The following RBFOX1 variants were observed in gnomAD, a reference collection of about 807,000 sequenced individuals.
The protein encoded by RBFOX1 is RNA binding protein fox-1 homolog 1.
Under a neutral mutation model 57.7 loss-of-function variants are expected in RBFOX1, and 8 were observed. The observed-to-expected ratio is 0.14, with a 90% CI of 0.08 to 0.25. RBFOX1 has a LOEUF of 0.25. Ranked by LOEUF, RBFOX1 falls within the 10% of genes least tolerant of loss-of-function variation. The probability of loss-of-function intolerance (pLI) is 1.00; values close to 1 mark genes in which losing one functional copy is unlikely to be tolerated. For synonymous variants in RBFOX1, 326 were observed against 222.4 expected, an observed-to-expected ratio of 1.47 and a Z score of -4.15; for missense variants, 611 against 548.5, an observed-to-expected ratio of 1.11 and a Z score of -1.14.
intron 1 of RBFOX1, among the ~76,000 whole-genome samples, chr16:5,243,360 C>T (rs564219702): frequency 2.6e-5 from 4 of 152,154 alleles, no homozygotes; most frequent in African/African-American, 9.7e-5. Context: ...GGGTTGAAAC[C>T]AGATCAGGAA....
At chr16:5,675,555 C>G (rs979061709) in intron 3 of RBFOX1, among the ~76,000 whole-genome samples, 2 of 152,154 alleles carry the variant, frequency 1.3e-5, no homozygotes, top group African/African-American at 4.8e-5. Context: ...ACACAGAAAA[C>G]AAGGCATGGG....
chr16:7,189,041 C>T (rs894446040), intron 4 of RBFOX1, among the ~76,000 whole-genome samples: 3 of 151,942 alleles, frequency 2.0e-5, no homozygotes, highest in South Asian at 2.1e-4. Flanking sequence ...GGAGGTGATA[C>T]GGAGTGATTT....
At chr16:6,263,219 C>T (rs1417386577) in intron 1 of RBFOX1, among the ~76,000 whole-genome samples, 7 of 152,090 alleles carry the variant, frequency 4.6e-5, no homozygotes, top group Admixed American at 2.0e-4. Flanking sequence ...TTCTGCTTCC[C>T]CAGGAATTTT....
At position 7,646,312 on chromosome 16, in the gene RBFOX1, T is replaced by C. The variant is rs141029370; in HGVS notation, c.758-7503T>C. On this transcript the variant is annotated intron_variant, in intron 11 of 15. Coordinates refer to ENST00000550418, the MANE Select transcript of RBFOX1 (RefSeq NM_018723.4). ...AGTATGTTACCTATTATGCCACTTC[T>C]TAATTTATGGTCCAGCACATGGAAT... is the stretch of plus-strand genomic sequence containing the variant. Among the ~76,000 whole-genome samples the C allele has an allele frequency of 1.5e-4, 23 of 152,352 alleles. No homozygotes were observed. In the East Asian group the frequency reaches 3.7e-3, roughly 24 times the overall value.
chr16:5,656,056 T>G (rs2049419018), intron 3 of RBFOX1, among the ~76,000 whole-genome samples: 1 of 152,186 alleles, frequency 6.6e-6, no homozygotes, highest in Non-Finnish European at 1.5e-5. Context: ...TTGACTGGGA[T>G]TACTTTTCTG....
intron 4 of RBFOX1, among the ~76,000 whole-genome samples, chr16:7,086,510 G>A (rs960773705): frequency 1.3e-5 from 2 of 151,994 alleles, no homozygotes; most frequent in African/African-American, 4.8e-5. Context: ...TAATTTTCAA[G>A]ATAAAGCATA....
intron 2 of RBFOX1, among the ~76,000 whole-genome samples, chr16:6,397,353 C>T (rs923021611): frequency 6.6e-6 from 1 of 152,042 alleles, no homozygotes; most frequent in Non-Finnish European, 1.5e-5. Context: ...GTCAGCTTCT[C>T]ATCAGAAACA....
At chr16:6,991,450 A>T (rs1194360494) in intron 3 of RBFOX1, among the ~76,000 whole-genome samples, 1 of 152,196 alleles carries the variant, frequency 6.6e-6, no homozygotes, top group South Asian at 2.1e-4. Context: ...TGACACAATG[A>T]TTAGCACAAA....
chr16:5,847,796 G>C (rs1245207467), intron 3 of RBFOX1, among the ~76,000 whole-genome samples: 2 of 152,084 alleles, frequency 1.3e-5, no homozygotes, highest in East Asian at 3.9e-4. Context: ...GGTCGTCATG[G>C]AAGTCAATGA....
intron 1 of RBFOX1, among the ~76,000 whole-genome samples, chr16:6,084,940 G>A (rs1319914397): frequency 3.3e-5 from 5 of 151,918 alleles, no homozygotes; most frequent in African/African-American, 1.2e-4. Flanking sequence ...TTCTTGTGAG[G>A]AAAAGGAAAA....
At chr16:5,430,513 C>A (rs572256211) in intron 1 of RBFOX1, among the ~76,000 whole-genome samples, 2 of 152,114 alleles carry the variant, frequency 1.3e-5, no homozygotes, top group South Asian at 4.2e-4. Context: ...GGAAGAGCAC[C>A]CAGGAACGGA....
At chr16:6,149,910 G>T (rs1312005480) in intron 1 of RBFOX1, among the ~76,000 whole-genome samples, 2 of 152,298 alleles carry the variant, frequency 1.3e-5, no homozygotes, top group East Asian at 3.9e-4. Flanking sequence ...TATGTGCACT[G>T]AACAAAAGGC....
intron 5 of RBFOX1, among the ~76,000 whole-genome samples, chr16:7,570,626 A>T (rs917338881): frequency 1.3e-5 from 2 of 152,190 alleles, no homozygotes; most frequent in Non-Finnish European, 2.9e-5. Context: ...CCTAGCCATA[A>T]ATATTCCTTC....
At chr16:5,816,216 G>C (rs1276803419) in intron 3 of RBFOX1, among the ~76,000 whole-genome samples, 1 of 152,152 alleles carries the variant, frequency 6.6e-6, no homozygotes, top group Admixed American at 6.5e-5. Flanking sequence ...TGGAGGCACT[G>C]GGATTTCAGA....
intron 4 of RBFOX1, among the ~76,000 whole-genome samples, chr16:7,106,508 C>T (rs1336006288): frequency 3.3e-5 from 5 of 152,070 alleles, no homozygotes; most frequent in African/African-American, 1.2e-4. Flanking sequence ...TTCAGTAGGT[C>T]ATTAATTCTG....
rs137929176 is a variant in RBFOX1, at chr16:6,823,262, TC to T, written c.-16+168613del. Among the ~76,000 whole-genome samples the T allele has an allele frequency of 1.1e-4, 16 of 151,844 alleles. No individual in the cohort carries two copies. The South Asian group carries it at 3.1e-3, about 30-fold the overall frequency. On this transcript the variant is annotated intron_variant, in intron 3 of 15. Transcript: ENST00000550418. ...ATTGTTTTGTTTTCTTTTTTTTTTT[TC>T]TTTTTTTTCCCCAGAAAGAGTCTTG...
Position 6,019,612 on chromosome 16 carries a change from G to T in RBFOX1, c.-507G>T. On this transcript the variant is annotated 5_prime_UTR_variant, in exon 1 of 16. Transcript: ENST00000550418. The surrounding 1 kb of genome is among the most constrained non-coding windows in gnomAD (Gnocchi z 4.2). ...GGGCTGAAGAAGGAAGGAGTGAGCC[G>T]AGCCGAGCACCCCACATCTGGAGGG... 2.4e-6 allele frequency: 3 copies of T among 1,236,644 alleles called. No homozygotes were observed. The highest frequency in any genetic ancestry group is 3.0e-6 in the Non-Finnish European group (3 of 988,994). 76.6% of individuals were successfully genotyped at this position (1,236,644 alleles called of 1,614,324 possible).
At chr16:5,404,623 C>G (rs978372637) in intron 1 of RBFOX1, among the ~76,000 whole-genome samples, 8 of 152,208 alleles carry the variant, frequency 5.3e-5, no homozygotes, top group African/African-American at 1.9e-4. Flanking sequence ...CACGTTAGCT[C>G]TGAGTTCATC....
At chr16:7,550,750 TA>T (rs1366406992) in intron 5 of RBFOX1, among the ~76,000 whole-genome samples, 1 of 152,034 alleles carries the variant, frequency 6.6e-6, no homozygotes, top group East Asian at 1.9e-4. Context: ...CCCTGAATTT[TA>T]AAAATCCTCA....
Sources: gnomAD v4.1 joint callset for allele counts (sites outside exome capture counted in the v4.1 genomes callset) on GRCh38, gnomAD v4.1.1 for gene constraint, Gnocchi (gnomAD v3.1) non-coding constraint, MANE v1.5 for transcripts, NCBI Gene and HGNC (gene_info 2026-07-23, HGNC 2026-07-21) for gene names.